POM121: variants seen among roughly 807,000 people sequenced by gnomAD.
The protein encoded by POM121 is nuclear envelope pore membrane protein POM 121.
A neutral mutation model predicts 81.3 loss-of-function variants in POM121; 32 were observed. That is an observed-to-expected ratio of 0.39 (90% CI 0.30 to 0.53). The LOEUF (loss-of-function observed/expected upper bound fraction) is 0.53, where lower values mean the gene tolerates loss of function less well. Ranked by LOEUF, POM121 falls within the 20% of genes least tolerant of loss-of-function variation. The pLI, the probability that POM121 is intolerant of heterozygous loss-of-function variation, is 0.66. For missense variants in POM121, 1,138 were observed against 1,614.6 expected, an observed-to-expected ratio of 0.70 and a Z score of 5.06; for synonymous variants, 514 against 694.2, an observed-to-expected ratio of 0.74 and a Z score of 4.08.
chr7:72,944,860 C>T (rs1192168723), intron 11 of POM121, among the ~76,000 whole-genome samples: 4 of 152,134 alleles, frequency 2.6e-5, no homozygotes, highest in Admixed American at 6.5e-5. Context: ...CCTCACAGGG[C>T]GAAGTCACCG....
intron 3 of POM121, among the ~76,000 whole-genome samples, chr7:72,902,716 G>C (rs145814454): frequency 5.1e-4 from 78 of 152,208 alleles, no homozygotes; most frequent in African/African-American, 1.8e-3. Context: ...TTTTTGTAGA[G>C]AGGGGGTTTC....
At chr7:72,912,119 T>C (rs1288917863) in intron 3 of POM121, among the ~76,000 whole-genome samples, 1 of 152,200 alleles carries the variant, frequency 6.6e-6, no homozygotes, top group African/African-American at 2.4e-5. Flanking sequence ...TCTTGAACTC[T>C]TGGGCTCAAG....
chr7:72,920,511 C>T (rs141416277), upstream of POM121, among the ~76,000 whole-genome samples: 2,128 of 151,952 alleles, frequency 0.014, 126 homozygotes, highest in East Asian at 0.12. Flanking sequence ...ACCATCACCA[C>T]GCCCAGCTGA....
At chr7:72,896,757 C>T (rs1444555136) in intron 3 of POM121, among the ~76,000 whole-genome samples, 83 of 152,002 alleles carry the variant, frequency 5.5e-4, no homozygotes, top group African/African-American at 2.0e-3. Flanking sequence ...ACCCATCCCA[C>T]GAAGTGTTCA....
chr7:72,884,552 T>TAGCAAATATATAC (rs1790512616), intron 1 of POM121, among the ~76,000 whole-genome samples: 1 of 143,130 alleles, frequency 7.0e-6, no homozygotes, highest in African/African-American at 2.6e-5. Context: ...ATACATATAA[T>TAGCAAATATATAC]ATATATTTGA....
intron 3 of POM121, among the ~76,000 whole-genome samples, chr7:72,894,678 A>ATCTCCGTCCCTGTTGCCCAGGCT (rs1791745788): frequency 7.2e-6 from 1 of 139,312 alleles, no homozygotes. Flanking sequence ...AGAGAGAGAG[A>ATCTCCGTCCCTGTTGCCCAGGCT]GAGATCTCCG....
chr7:72,920,469 C>T (rs1794705886), upstream of POM121, among the ~76,000 whole-genome samples: 1 of 151,682 alleles, frequency 6.6e-6, no homozygotes, highest in African/African-American at 2.4e-5. Context: ...CTGCCTCAGC[C>T]TCCCGAGTAG....
upstream of POM121, chr7:72,924,507 ATCTT>A (rs1167680348): frequency 1.3e-5 from 2 of 152,208 alleles, no homozygotes; most frequent in Non-Finnish European, 2.9e-5. Context: ...ATTTTAAACT[ATCTT>A]TATGGTGCTA....
At chr7:72,894,922 GGCTCGA>G in intron 3 of POM121, among the ~76,000 whole-genome samples, 1 of 152,248 alleles carries the variant, frequency 6.6e-6, no homozygotes, top group East Asian at 1.9e-4. Flanking sequence ...TGAACTCCTG[GGCTCGA>G]GCAACCCTCC....
At chr7:72,882,112 A>G (rs1384230475) in intron 1 of POM121, among the ~76,000 whole-genome samples, 1 of 152,198 alleles carries the variant, frequency 6.6e-6, no homozygotes, top group Admixed American at 6.5e-5. Flanking sequence ...CAAAAGGAAA[A>G]TGCCATCTGT....
At position 72,930,662 on chromosome 7, in the gene POM121, C is replaced by T. The variant is rs117437949; in HGVS notation, c.1275+551C>T. On this transcript the variant is annotated intron_variant, in intron 5 of 12. Transcript: ENST00000434423. The stretch of plus-strand genomic sequence containing the variant: ...AGGGATTATCGCATAGTATAGGGAA[C>T]AGGGCAGGCTTTGCTGCTGGACAGA... 1.6e-3 allele frequency among the ~76,000 whole-genome samples: 246 copies of T among 152,320 alleles called. 4 individuals are homozygous for T. The East Asian group carries it at 0.04, about 25-fold the overall frequency.
chr7:72,916,908 T>C (rs1794340138), intron 4 of POM121, among the ~76,000 whole-genome samples: 1 of 152,346 alleles, frequency 6.6e-6, no homozygotes, highest in Non-Finnish European at 1.5e-5. Context: ...AAAAAGTTTT[T>C]GTCTGCTAAG....
intron 3 of POM121, among the ~76,000 whole-genome samples, chr7:72,892,559 G>A (rs1406456393): frequency 1.3e-5 from 2 of 152,154 alleles, no homozygotes; most frequent in African/African-American, 4.8e-5. Context: ...CCATTCAAAT[G>A]ATCATTGTCC....
downstream of POM121, chr7:72,948,757 C>T (rs781921301): frequency 2.7e-5 from 43 of 1,576,654 alleles, no homozygotes; most frequent in South Asian, 2.7e-4. Context: ...GCTCGGCACC[C>T]GGGAACGTGC....
At chr7:72,925,072 G>A, upstream of POM121, 2 of 1,360,142 alleles carry the variant, frequency 1.5e-6, no homozygotes, top group Non-Finnish European at 1.9e-6. Flanking sequence ...GCGACGCGCG[G>A]CGCGGTGCAC....
chr7:72,880,121 C>T (rs1789987322), intron 1 of POM121, among the ~76,000 whole-genome samples: 1 of 152,196 alleles, frequency 6.6e-6, no homozygotes. Flanking sequence ...ACGTCATCTC[C>T]ACTCCCCGCT....
At chr7:72,901,966 GC>G in intron 3 of POM121, among the ~76,000 whole-genome samples, 2 of 151,866 alleles carry the variant, frequency 1.3e-5, no homozygotes, top group African/African-American at 4.8e-5. Flanking sequence ...TACAAAATTA[GC>G]CGGGCATGGT....
chr7:72,938,821 AT>A, intron 6 of POM121, 140 bp downstream of exon 6: 1 of 998,768 alleles, frequency 1.0e-6, no homozygotes, highest in Non-Finnish European at 1.6e-6. Context: ...GAGAGGTACA[AT>A]GCAGTACCCA....
upstream of POM121, among the ~76,000 whole-genome samples, chr7:72,920,429 A>G (rs1225881149): frequency 6.7e-6 from 1 of 148,952 alleles, no homozygotes; most frequent in Non-Finnish European, 1.5e-5. Flanking sequence ...GCTCACTGCA[A>G]GCTCCACCTC....
Sources: gnomAD v4.1 joint callset for allele counts (sites outside exome capture counted in the v4.1 genomes callset) on GRCh38, gnomAD v4.1.1 for gene constraint, MANE v1.5 for transcripts, NCBI Gene and HGNC (gene_info 2026-07-23, HGNC 2026-07-21) for gene names.